CYB5R4: variants seen among roughly 807,000 people sequenced by gnomAD.
The protein encoded by CYB5R4 is N-terminal cytochrome b5 and cytochrome b5 oxidoreductase domain-containing protein.
A neutral mutation model predicts 70.2 loss-of-function variants in CYB5R4; 55 were observed. The observed-to-expected ratio is 0.78, with a 90% CI of 0.63 to 0.98. The LOEUF (loss-of-function observed/expected upper bound fraction) is 0.98. Among genes scored for constraint, CYB5R4 ranks in the 50% least tolerant of loss-of-function variants. CYB5R4 has a pLI of 0.00. For missense variants in CYB5R4, 562 were observed against 612.6 expected (o/e 0.92, Z 0.87); for synonymous variants, 197 against 199.5 (o/e 0.99, Z 0.11).
chr6:83,936,169 T>C, intron 11 of CYB5R4, 55 bp from the exon 12 acceptor site: 2 of 1,335,520 alleles, frequency 1.5e-6, no homozygotes, highest in East Asian at 2.4e-5. Flanking sequence ...TTCATTTTCA[T>C]TGAGATTTTT....
intron 4 of CYB5R4, chr6:83,910,104 A>G: frequency 6.2e-7 from 1 of 1,612,506 alleles, no homozygotes; most frequent in Non-Finnish European, 8.5e-7. Context: ...GGATGGAGAT[A>G]GACACCAGGA....
chr6:83,872,410 C>T (rs759930781), intron 2 of CYB5R4, among the ~76,000 whole-genome samples: 13 of 152,064 alleles, frequency 8.5e-5, no homozygotes, highest in African/African-American at 1.9e-4. Flanking sequence ...TTAGAGAATC[C>T]GCATTTACCA....
At chr6:83,881,300 G>T (rs1231454155) in intron 2 of CYB5R4, among the ~76,000 whole-genome samples, 2 of 151,872 alleles carry the variant, frequency 1.3e-5, no homozygotes, top group Non-Finnish European at 2.9e-5. Flanking sequence ...TCAGCCTCCT[G>T]AGTAGCTGGG....
At chr6:83,945,667 A>C (rs150433231) in intron 14 of CYB5R4, among the ~76,000 whole-genome samples, 59 of 152,324 alleles carry the variant, frequency 3.9e-4, no homozygotes, top group African/African-American at 1.2e-3. Context: ...GAATGGATAG[A>C]CCGCTAGTCA....
rs2099466964 is a variant in CYB5R4 at position 83,924,511 on chromosome 6, C to T, written c.733C>T (p.Gln245Ter). ...TGTGGGAAAAATAGAGATTGTTCTA[C>T]AAAAAAAAGAGAATACTTCTTGGGA... ...ESVGKIEIVL[Q>*]KKENTSWDFL... Residue 245 changes from glutamine to a stop codon, truncating the protein, a stop_gained, in exon 10 of 16, where the codon CAA becomes TAA. Coordinates refer to ENST00000369681, the MANE Select transcript of CYB5R4 (RefSeq NM_016230.4). LOFTEE classifies it high-confidence loss of function. 1 of 1,611,656 alleles carries T rather than the reference C, an allele frequency of 6.2e-7. No individual in the cohort carries two copies. Among genetic ancestry groups the T allele is most frequent in the South Asian group, 1.1e-5 (1 of 90,932 alleles).
At position 83,965,307 on chromosome 6, in the gene CYB5R4, A is replaced by T. The variant is rs933485930; in HGVS notation, c.*5429A>T. The T allele has an allele frequency of 6.6e-6, 1 of 152,312 alleles. No individual in the cohort carries two copies. Among genetic ancestry groups the T allele is most frequent in the African/African-American group, 2.4e-5 (1 of 41,468 alleles). The allele number at this position is 152,312 out of a possible 1,614,324, so 9.4% of individuals were successfully genotyped here. ...TGTACCCTGAAAGCCACAGGGCCAGAGCTGCCCAAGACCATGGGAAGCCAC... is the reference window on the plus strand; with the variant it reads ...TGTACCCTGAAAGCCACAGGGCCAGTGCTGCCCAAGACCATGGGAAGCCAC... On this transcript the variant is annotated 3_prime_UTR_variant, in exon 16 of 16. Transcript: ENST00000369681.
chr6:83,910,274 T>C (rs2099464470), intron 4 of CYB5R4: 1 of 748,894 alleles, frequency 1.3e-6, no homozygotes. Context: ...AGTTTCCTCA[T>C]TGGTAAAATG....
chr6:83,949,612 CT>C (rs1048975816), intron 14 of CYB5R4, among the ~76,000 whole-genome samples: 3 of 152,144 alleles, frequency 2.0e-5, no homozygotes, highest in Non-Finnish European at 4.4e-5. Context: ...AGGTCCCAGT[CT>C]TCTACTCCAT....
Position 83,961,722 on chromosome 6 carries a change from T to A in CYB5R4, c.*1844T>A, listed in dbSNP as rs930037436. 2.0e-5 allele frequency: 3 copies of A among 152,094 alleles called. No homozygotes were observed. The highest frequency in any genetic ancestry group is 2.9e-5 in the Non-Finnish European group (2 of 68,004). 9.4% of individuals were successfully genotyped at this position (152,094 alleles called of 1,614,324 possible). A position where few individuals can be genotyped will look rare whatever the true frequency, so the allele number is the denominator to read the frequency against. ...AAAGAGACTATTTACCACTTTTTTTTAGTTCATTTGCGATGTATCAAATCT... is the reference window on the plus strand; with the variant it reads ...AAAGAGACTATTTACCACTTTTTTTAAGTTCATTTGCGATGTATCAAATCT... On this transcript the variant is annotated 3_prime_UTR_variant, in exon 16 of 16. Transcript: ENST00000369681.
chr6:83,892,032 T>G (rs2099461194), intron 2 of CYB5R4, among the ~76,000 whole-genome samples: 1 of 152,152 alleles, frequency 6.6e-6, no homozygotes, highest in Non-Finnish European at 1.5e-5. Context: ...GTAATTCTGA[T>G]CCTAATCATT....
At chr6:83,940,908 G>T (rs902071854) in intron 14 of CYB5R4, among the ~76,000 whole-genome samples, 1 of 152,108 alleles carries the variant, frequency 6.6e-6, no homozygotes, top group Admixed American at 6.5e-5. Context: ...GTTTGGTAAT[G>T]CAAGATTTTT....
chr6:83,960,330 CAT>C lies in CYB5R4; in HGVS notation c.*454_*455del, dbSNP rs1309551379. 2.0e-5 allele frequency: 3 copies of C among 153,588 alleles called. No homozygotes were observed. Among genetic ancestry groups the C allele is most frequent in the African/African-American group, 7.2e-5 (3 of 41,430 alleles). 9.5% of individuals were successfully genotyped at this position (153,588 alleles called of 1,614,324 possible). On this transcript the variant is annotated 3_prime_UTR_variant, in exon 16 of 16. Transcript: ENST00000369681. The stretch of plus-strand genomic sequence containing the variant: ...TATGTCCTTGTTATTAATGTTAAAA[CAT>C]AGAATGTTATAACTTATTAAGTGAT...
intron 2 of CYB5R4, among the ~76,000 whole-genome samples, chr6:83,884,930 C>T (rs9341967): frequency 0.79 from 120,162 of 152,140 alleles, 48,010 homozygotes; most frequent in African/African-American, 0.89. Flanking sequence ...TTAATCTTAT[C>T]ACGGAAATAA....
intron 14 of CYB5R4, among the ~76,000 whole-genome samples, chr6:83,950,455 C>T (rs914253636): frequency 1.3e-5 from 2 of 152,090 alleles, no homozygotes; most frequent in African/African-American, 2.4e-5. Flanking sequence ...ACACATTGGC[C>T]CACCTGCTCC....
At chr6:83,931,603 C>A (rs1484868052) in intron 10 of CYB5R4, among the ~76,000 whole-genome samples, 1 of 151,992 alleles carries the variant, frequency 6.6e-6, no homozygotes, top group Non-Finnish European at 1.5e-5. Flanking sequence ...GTATTTAATT[C>A]AAATAAGTTA....
At chr6:83,938,545 C>T (rs2099469281) in intron 12 of CYB5R4, among the ~76,000 whole-genome samples, 1 of 152,170 alleles carries the variant, frequency 6.6e-6, no homozygotes, top group South Asian at 2.1e-4. Context: ...AACAAGATAT[C>T]CTCAATGGGA....
At chr6:83,894,070 A>T (rs61762809) in intron 3 of CYB5R4, among the ~76,000 whole-genome samples, 1 of 152,336 alleles carries the variant, frequency 6.6e-6, no homozygotes, top group African/African-American at 2.4e-5. Flanking sequence ...CTGAATTTGC[A>T]TGTCATGTAG....
rs553351871 is a variant in CYB5R4, at chr6:83,922,376, T to A, written c.659-62T>A. ...ATAAAAGAGCCATTTAAATGACATA[T>A]GGTGTTCAAAAACTGTATGAATTGA... On this transcript the variant is annotated intron_variant, in intron 8 of 15. Transcript: ENST00000369681. The A allele has an allele frequency of 2.7e-4, 366 of 1,358,234 alleles. 1 individual carries two copies. The highest frequency in any genetic ancestry group is 3.5e-4 in the Non-Finnish European group (337 of 956,584). 84.1% of individuals were successfully genotyped at this position (1,358,234 alleles called of 1,614,324 possible). A position where few individuals can be genotyped will look rare whatever the true frequency, so the allele number is the denominator to read the frequency against.
intron 3 of CYB5R4, among the ~76,000 whole-genome samples, chr6:83,902,955 A>G (rs145665016): frequency 1.3e-5 from 2 of 152,138 alleles, no homozygotes; most frequent in Non-Finnish European, 2.9e-5. Context: ...TAAATACAAA[A>G]TAGTATTTGT....
Sources: gnomAD v4.1 joint callset for allele counts (sites outside exome capture counted in the v4.1 genomes callset) on GRCh38, gnomAD v4.1.1 for gene constraint, MANE v1.5 for transcripts, NCBI Gene and HGNC (gene_info 2026-07-23, HGNC 2026-07-21) for gene names.